AMBRA1: variants seen among roughly 807,000 people sequenced by gnomAD.
The protein encoded by AMBRA1 is activating molecule in BECN1-regulated autophagy protein 1.
A neutral mutation model predicts 125.4 loss-of-function variants in AMBRA1; 47 were observed. The observed-to-expected ratio is 0.37, with a 90% CI of 0.30 to 0.48. The LOEUF is 0.48. AMBRA1 is among the 20% of genes least tolerant of loss of function. The probability of loss-of-function intolerance (pLI) is 0.99; values close to 1 mark genes in which losing one functional copy is unlikely to be tolerated. For missense variants in AMBRA1, 1,331 were observed against 1,693.4 expected (o/e 0.79, Z 3.76); for synonymous variants, 626 against 655.5 (o/e 0.95, Z 0.69).
chr11:46,499,592 G>A (rs1010809159), intron 9 of AMBRA1, among the ~76,000 whole-genome samples: 1 of 152,116 alleles, frequency 6.6e-6, no homozygotes, highest in Non-Finnish European at 1.5e-5. Flanking sequence ...TAATCCTCAG[G>A]AAGGCCCCTT....
chr11:46,525,967 A>G (rs1463219547), intron 7 of AMBRA1, among the ~76,000 whole-genome samples: 2 of 152,162 alleles, frequency 1.3e-5, no homozygotes, highest in East Asian at 1.9e-4. Flanking sequence ...GCACTTTGGG[A>G]GGTCAAGGCG....
At chr11:46,417,816 T>C in intron 15 of AMBRA1, 97 bp downstream of exon 15, 1 of 1,398,894 alleles carries the variant, frequency 7.1e-7, no homozygotes, top group Non-Finnish European at 9.6e-7. Flanking sequence ...CTAGATGGAT[T>C]GACATTTCCC....
intron 9 of AMBRA1, among the ~76,000 whole-genome samples, chr11:46,504,261 A>G (rs1950950070): frequency 6.6e-6 from 1 of 152,206 alleles, no homozygotes; most frequent in African/African-American, 2.4e-5. Context: ...GCATAGCTGG[A>G]ATAATTGTCA....
intron 1 of AMBRA1, among the ~76,000 whole-genome samples, chr11:46,572,228 G>A (rs1033713155): frequency 3.9e-5 from 6 of 152,070 alleles, no homozygotes; most frequent in South Asian, 2.1e-4. Context: ...TTAAACCCGG[G>A]AGGCGGAGGT....
chr11:46,420,003 C>CACACACACACACACACACACACACAT (rs1946770526), intron 14 of AMBRA1, among the ~76,000 whole-genome samples: 1 of 151,648 alleles, frequency 6.6e-6, no homozygotes, highest in Non-Finnish European at 1.5e-5. Flanking sequence ...AATACACACA[C>CACACACACACACACACACACACACAT]ACACACACAC....
chr11:46,549,342 A>T (rs1052606809), intron 1 of AMBRA1, among the ~76,000 whole-genome samples: 1 of 152,220 alleles, frequency 6.6e-6, no homozygotes, highest in Non-Finnish European at 1.5e-5. Context: ...TGAATGTTTT[A>T]AAAAATATAG....
chr11:46,512,664 AGT>A, intron 8 of AMBRA1, 61 bp downstream of exon 8: 1 of 1,377,222 alleles, frequency 7.3e-7, no homozygotes, highest in East Asian at 2.3e-5. Context: ...AGCTTCCAAC[AGT>A]GTGGCAACCC....
intron 1 of AMBRA1, among the ~76,000 whole-genome samples, chr11:46,568,214 C>T (rs113314955): frequency 0.012 from 1,775 of 151,698 alleles, 41 homozygotes; most frequent in African/African-American, 0.041. Flanking sequence ...TCCCAGCACT[C>T]TGGGTGGCCG....
At chr11:46,483,000 C>G (rs1414981445) in intron 11 of AMBRA1, among the ~76,000 whole-genome samples, 2 of 146,994 alleles carry the variant, frequency 1.4e-5, no homozygotes, top group African/African-American at 5.1e-5. Context: ...AAGAGTGAGA[C>G]TCTGTCTCAA....
At chr11:46,591,984 T>G (rs2044617232) in intron 1 of AMBRA1, among the ~76,000 whole-genome samples, 1 of 149,160 alleles carries the variant, frequency 6.7e-6, no homozygotes, top group Non-Finnish European at 1.5e-5. Flanking sequence ...TCGCTCTTGT[T>G]GCCTAGGCTG....
At chr11:46,519,320 G>C (rs1002930236) in intron 7 of AMBRA1, among the ~76,000 whole-genome samples, 1 of 151,974 alleles carries the variant, frequency 6.6e-6, no homozygotes, top group Non-Finnish European at 1.5e-5. Context: ...CACCATGCCC[G>C]GCCCCTTCAC....
At chr11:46,575,744 T>C (rs1256530243) in intron 1 of AMBRA1, among the ~76,000 whole-genome samples, 2 of 152,108 alleles carry the variant, frequency 1.3e-5, no homozygotes, top group African/African-American at 4.8e-5. Flanking sequence ...CTCGAACTCC[T>C]GACCTCGTGA....
chr11:46,581,201 GGT>G (rs1482384331), intron 1 of AMBRA1, among the ~76,000 whole-genome samples: 16 of 151,980 alleles, frequency 1.1e-4, no homozygotes, highest in Non-Finnish European at 1.5e-4. Context: ...GGCCAGGTAC[GGT>G]GGCTCACACC....
Position 46,543,172 on chromosome 11 carries a change from G to A in AMBRA1, c.845C>T (p.Pro282Leu). 2 of 1,569,992 alleles carry A rather than the reference G, an allele frequency of 1.3e-6. No homozygotes were observed. The highest frequency in any genetic ancestry group is 1.7e-6 in the Non-Finnish European group (2 of 1,159,482). The change falls in exon 7 of 18, where the codon CCC becomes CTC. Residue 282 changes from proline (P) to leucine (L), a missense_variant. Around this residue, in one of 4 missense-constraint regions of AMBRA1, gnomAD observed 689 missense variants for 776.5 expected, o/e 0.89. Transcript: ENST00000683756. ...PPPPQPSTER[P>L]RTSAYIRLRQ... ...GAGCCTGATGTAAGCGGAAGTCCTGGGGCGCTCCGTGGAGGGCTGAGGGGG... is the reference window on the plus strand; with the variant it reads ...GAGCCTGATGTAAGCGGAAGTCCTGAGGCGCTCCGTGGAGGGCTGAGGGGG...
At chr11:46,547,683 C>T (rs926440246) in intron 3 of AMBRA1, 134 bp downstream of exon 3, 20 of 832,800 alleles carry the variant, frequency 2.4e-5, no homozygotes, top group Non-Finnish European at 3.0e-5. Flanking sequence ...TTTCCCTTTC[C>T]GACACGGGGC....
chr11:46,514,012 C>T (rs1171079686), intron 7 of AMBRA1, among the ~76,000 whole-genome samples: 1 of 151,966 alleles, frequency 6.6e-6, no homozygotes, highest in Admixed American at 6.6e-5. Flanking sequence ...GCCAATCAAG[C>T]TCCTGCCCCA....
At chr11:46,490,285 G>C (rs1950415468) in intron 11 of AMBRA1, among the ~76,000 whole-genome samples, 1 of 152,126 alleles carries the variant, frequency 6.6e-6, no homozygotes, top group African/African-American at 2.4e-5. Flanking sequence ...TGATGATGGG[G>C]AAAGGCCTGG....
At chr11:46,428,533 C>T (rs1947269601) in intron 14 of AMBRA1, 4 of 915,822 alleles carry the variant, frequency 4.4e-6, no homozygotes, top group Non-Finnish European at 6.8e-6. Flanking sequence ...TTCCTAGTGC[C>T]TCTAGGATCT....
intron 7 of AMBRA1, among the ~76,000 whole-genome samples, chr11:46,541,672 T>C (rs1213150731): frequency 6.6e-6 from 1 of 150,902 alleles, no homozygotes; most frequent in African/African-American, 2.4e-5. Flanking sequence ...TCCTCATGCC[T>C]CTCTAACCTA....
Sources: allele counts gnomAD v4.1 joint callset (sites outside exome capture counted in the v4.1 genomes callset), GRCh38; gene constraint gnomAD v4.1.1; regional missense constraint gnomAD v4.1.1; transcripts MANE v1.5; gene names NCBI Gene and HGNC (gene_info 2026-07-23, HGNC 2026-07-21).